Variants in IGSF21 observed in about 807,000 individuals in gnomAD.
The protein encoded by IGSF21 is immunoglobin superfamily member 21.
A neutral mutation model predicts 46.8 loss-of-function variants in IGSF21; 28 were observed. The ratio of observed to expected loss-of-function variants is 0.60; its 90% CI spans 0.44 to 0.82. IGSF21 has a LOEUF of 0.82. Among genes scored for constraint, IGSF21 ranks in the 40% least tolerant of loss-of-function variants. The pLI is 0.00. For synonymous variants in IGSF21, 284 were observed against 273.6 expected (o/e 1.04, Z -0.38); for missense variants, 624 against 665.5 (o/e 0.94, Z 0.69).
intron 1 of IGSF21, among the ~76,000 whole-genome samples, chr1:18,213,985 A>G (rs753342001): frequency 1.3e-5 from 2 of 152,174 alleles, no homozygotes; most frequent in Non-Finnish European, 2.9e-5. Context: ...AATGACCAAC[A>G]TTAGCTTTGC....
At chr1:18,122,039 C>G (rs113077341) in intron 1 of IGSF21, among the ~76,000 whole-genome samples, 7 of 152,324 alleles carry the variant, frequency 4.6e-5, no homozygotes, top group African/African-American at 1.7e-4. Flanking sequence ...GGTAGGGGTA[C>G]TGCCTTATGG....
At chr1:18,222,446 A>T (rs1469353765) in intron 1 of IGSF21, among the ~76,000 whole-genome samples, 3 of 152,134 alleles carry the variant, frequency 2.0e-5, no homozygotes, top group African/African-American at 7.2e-5. Flanking sequence ...AGTGCAGGCA[A>T]GGGAAGGGGG....
At chr1:18,314,946 A>G (rs1384210917) in intron 3 of IGSF21, among the ~76,000 whole-genome samples, 2 of 151,946 alleles carry the variant, frequency 1.3e-5, no homozygotes, top group Admixed American at 6.6e-5. Context: ...CAGCTGATGG[A>G]GGTGCAGGAG....
chr1:18,254,383 ACC>A, intron 2 of IGSF21, among the ~76,000 whole-genome samples: 1 of 151,814 alleles, frequency 6.6e-6, no homozygotes, highest in Non-Finnish European at 1.5e-5. Flanking sequence ...CCTAACCCTA[ACC>A]CTAACCTTAT....
Position 18,365,120 on chromosome 1 carries a change from T to C in IGSF21, c.541-103T>C, listed in dbSNP as rs12079178. The C allele has an allele frequency of 0.12, 102,795 of 849,978 alleles. 6,957 individuals are homozygous for C. Among genetic ancestry groups the C allele is most frequent in the East Asian group, 0.2 (8,387 of 41,070 alleles). The allele number at this position is 849,978 out of a possible 1,614,324, so 52.7% of individuals were successfully genotyped here. ...AGGGCTACTGTCTAGACTACTATGC[T>C]CTGGAAGAACTGGCATCCTGTGCCC... is the stretch of plus-strand genomic sequence containing the variant. On this transcript the variant is annotated intron_variant, in intron 5 of 9. Coordinates refer to ENST00000251296, the MANE Select transcript of IGSF21 (RefSeq NM_032880.5). The surrounding 1 kb of genome is among the most constrained non-coding windows in gnomAD (Gnocchi z 4.8).
At chr1:18,340,420 A>G (rs907102721) in intron 4 of IGSF21, among the ~76,000 whole-genome samples, 1 of 152,176 alleles carries the variant, frequency 6.6e-6, no homozygotes, top group African/African-American at 2.4e-5. Context: ...GGTGAGCTAT[A>G]TGGACTTCAT....
chr1:18,161,224 C>T (rs2086618930), intron 1 of IGSF21, among the ~76,000 whole-genome samples: 1 of 152,164 alleles, frequency 6.6e-6, no homozygotes, highest in Admixed American at 6.5e-5. Flanking sequence ...CCCTCCCAGC[C>T]TCCACTGGCA....
At chr1:18,170,225 A>C (rs61763666) in intron 1 of IGSF21, among the ~76,000 whole-genome samples, 9,137 of 152,238 alleles carry the variant, frequency 0.06, 358 homozygotes, top group Middle Eastern at 0.17. Context: ...TGGCAGGGGC[A>C]GGGGAGGAAG....
intron 1 of IGSF21, among the ~76,000 whole-genome samples, chr1:18,202,122 G>A (rs550748949): frequency 4.3e-4 from 66 of 152,122 alleles, no homozygotes; most frequent in Middle Eastern, 6.8e-3. Context: ...TTTACATTCT[G>A]GAAAGTACAT....
At chr1:18,245,411 G>A (rs551923255) in intron 2 of IGSF21, among the ~76,000 whole-genome samples, 2 of 152,090 alleles carry the variant, frequency 1.3e-5, no homozygotes, top group Non-Finnish European at 2.9e-5. Flanking sequence ...AGCTTGTGTA[G>A]CAAATTAAAA....
chr1:18,175,077 C>G (rs1217019158), intron 1 of IGSF21, among the ~76,000 whole-genome samples: 2 of 152,180 alleles, frequency 1.3e-5, no homozygotes, highest in African/African-American at 4.8e-5. Context: ...GACTCCCAGC[C>G]TCTCCCCTAC....
intron 3 of IGSF21, among the ~76,000 whole-genome samples, chr1:18,299,768 T>A (rs1309759589): frequency 2.6e-5 from 4 of 152,240 alleles, no homozygotes; most frequent in Non-Finnish European, 4.4e-5. Context: ...TTTATTTTAT[T>A]GTTTTTAACA....
At chr1:18,370,822 C>T (rs916060431) in intron 6 of IGSF21, among the ~76,000 whole-genome samples, 3 of 152,076 alleles carry the variant, frequency 2.0e-5, no homozygotes, top group Admixed American at 6.5e-5. Context: ...CATGTAAAAA[C>T]CTACACTACA....
intron 3 of IGSF21, among the ~76,000 whole-genome samples, chr1:18,303,685 A>C (rs1392278252): frequency 6.6e-6 from 1 of 152,190 alleles, no homozygotes. Context: ...TTGTTTATTA[A>C]CTGTAGACAT....
rs138206118 is a variant in IGSF21, at chr1:18,339,787, G to GGGC, written c.424+4778_424+4780dup. The stretch of plus-strand genomic sequence containing the variant: ...AACAACGAATTCCGATGGATGGGTG[G>GGGC]GGCTGTTTGCCTTTCGGAACATGTA... On this transcript the variant is annotated intron_variant, in intron 4 of 9. Coordinates refer to ENST00000251296, the MANE Select transcript of IGSF21 (RefSeq NM_032880.5). 4.7e-4 allele frequency among the ~76,000 whole-genome samples: 71 copies of GGGC among 152,272 alleles called. No homozygotes were observed. The East Asian group carries it at 0.011, about 23-fold the overall frequency.
chr1:18,356,558 C>A (rs905527472), intron 4 of IGSF21, among the ~76,000 whole-genome samples: 1 of 152,304 alleles, frequency 6.6e-6, no homozygotes, highest in Admixed American at 6.5e-5. Context: ...TTATTCTGGC[C>A]CAGGAAGTCA....
At chr1:18,372,825 G>C (rs1195221134) in intron 6 of IGSF21, among the ~76,000 whole-genome samples, 2 of 115,234 alleles carry the variant, frequency 1.7e-5, no homozygotes, top group African/African-American at 7.4e-5. Flanking sequence ...TGGATATTTG[G>C]ATGGATGGAT....
rs752239624 is a variant in IGSF21 at position 18,334,563 on chromosome 1, T to A, written c.306-329T>A. ...CAGCGACATACTAAATGCCCATACC[T>A]CTTCACCTGTGCCATCCTCACGGCT... On this transcript the variant is annotated intron_variant, in intron 3 of 9. Transcript: ENST00000251296. This position sits in a 1 kb window ranked among gnomAD's most constrained non-coding sequence, Gnocchi z 4.3. 4.6e-5 allele frequency among the ~76,000 whole-genome samples: 7 copies of A among 152,068 alleles called. No individual in the cohort carries two copies. Among genetic ancestry groups the A allele is most frequent in the Non-Finnish European group, 1.0e-4 (7 of 68,016 alleles).
intron 6 of IGSF21, among the ~76,000 whole-genome samples, chr1:18,372,756 G>A (rs2086239744): frequency 6.6e-6 from 1 of 151,430 alleles, no homozygotes; most frequent in Admixed American, 6.6e-5. Flanking sequence ...ATGGATGGAT[G>A]AATGGATGTT....
Sources: gnomAD v4.1 joint callset for allele counts (sites outside exome capture counted in the v4.1 genomes callset) on GRCh38, gnomAD v4.1.1 for gene constraint, Gnocchi (gnomAD v3.1) non-coding constraint, MANE v1.5 for transcripts, NCBI Gene and HGNC (gene_info 2026-07-23, HGNC 2026-07-21) for gene names.